The following DDX39A variants were observed in gnomAD, a reference collection of about 807,000 sequenced individuals.
DDX39A encodes ATP-dependent RNA helicase DDX39A.
A neutral mutation model predicts 46.3 loss-of-function variants in DDX39A; 13 were observed. That is an observed-to-expected ratio of 0.28 (90% CI 0.18 to 0.45). The LOEUF is 0.45. Among genes scored for constraint, DDX39A ranks in the 20% least tolerant of loss-of-function variants. DDX39A has a pLI of 1.00. For missense variants in DDX39A, 352 were observed against 581.8 expected (o/e 0.61, Z 4.06); for synonymous variants, 234 against 224.6 (o/e 1.04, Z -0.38).
chr19:14,408,964 GA>G lies in DDX39A; in HGVS notation c.1268-13del. 1.9e-6 allele frequency: 3 copies of G among 1,607,538 alleles called. No individual in the cohort carries two copies. Among genetic ancestry groups the G allele is most frequent in the Non-Finnish European group, 2.6e-6 (3 of 1,175,238 alleles). ...CCGGCTCTGCTCGACTGTAAGACAT[GA>G]GATGCAGTGAACTGAAGGGCCGGGG... On this transcript the variant is annotated splice_polypyrimidine_tract_variant and intron_variant, in intron 10 of 10. Coordinates refer to ENST00000242776, the MANE Select transcript of DDX39A (RefSeq NM_005804.4).
At position 14,410,292 on chromosome 19, in the gene DDX39A, T is replaced by C. The variant is rs918039652; in HGVS notation, c.656A>G (p.His219Arg). 6.2e-6 allele frequency: 10 copies of C among 1,613,956 alleles called. No homozygotes were observed. In the East Asian group the frequency reaches 8.9e-5, roughly 14 times the overall value. Residue 219 changes from histidine (H) to arginine (R), a missense_variant, in exon 6 of 11, where the codon CAC becomes CGC. His to Arg is a conservative substitution (Grantham distance 29). This residue lies in a region of DDX39A where 301 missense variants were observed against 469.9 expected (regional missense o/e 0.64). Transcript: ENST00000242776. This position sits in a 1 kb window ranked among gnomAD's most constrained non-coding sequence, Gnocchi z 4.3. ...GCTGAACATCATGCACTGCTTCTCG[T>C]GTGGTGTCAGGCGGAAGATCTCCTG... is the stretch of plus-strand genomic sequence containing the variant. ...DVQEIFRLTP[H>R]EKQCMMFSAT...
intron 1 of DDX39A, among the ~76,000 whole-genome samples, chr19:14,417,113 C>T (rs1976839531): frequency 6.6e-6 from 1 of 152,028 alleles, no homozygotes; most frequent in Non-Finnish European, 1.5e-5. Flanking sequence ...AGACCAGTAG[C>T]AGGGAAAACC....
Position 14,412,804 on chromosome 19 carries a change from C to T in DDX39A, c.209-126G>A, listed in dbSNP as rs1976647044. On this transcript the variant is annotated intron_variant, in intron 2 of 10. Transcript: ENST00000242776. This position sits in a 1 kb window ranked among gnomAD's most constrained non-coding sequence, Gnocchi z 4.4. ...GGCCGAGTCCGGACAAGGCCACAGA[C>T]ACCTGCAGGGCTGGGGTATCCGCCT... 1 of 1,380,676 alleles carries T rather than the reference C, an allele frequency of 7.2e-7. No individual in the cohort carries two copies. Among genetic ancestry groups the T allele is most frequent in the East Asian group, 2.4e-5 (1 of 42,368 alleles). The allele number at this position is 1,380,676 out of a possible 1,614,324, so 85.5% of individuals were successfully genotyped here.
At position 14,413,091 on chromosome 19, in the gene DDX39A, A is replaced by C; in HGVS notation, c.130T>G (p.Ser44Ala). Residue 44 changes from serine to alanine, a missense_variant, in exon 2 of 11, where the codon TCT (serine) becomes GCT (alanine). Ser to Ala is a moderately conservative substitution (Grantham distance 99). Around this residue, in one of 3 missense-constraint regions of DDX39A, gnomAD observed 46 missense variants for 78.2 expected, o/e 0.59. Transcript: ENST00000242776. ...TTCAGCAGAAAGTCCCGGAAGCCAG[A>C]GCTGTGGATGGAAACGTAGGATCCC... ...IKGSYVSIHSSGFRDFLLKPE... is the reference protein window; with the variant it reads ...IKGSYVSIHSAGFRDFLLKPE... 1 of 1,614,152 alleles carries C rather than the reference A, an allele frequency of 6.2e-7. No homozygotes were observed. The highest frequency in any genetic ancestry group is 8.5e-7 in the Non-Finnish European group (1 of 1,180,022).
In DDX39A at chr19:14,409,606, G is replaced by A; in HGVS notation, c.904C>T (p.Leu302=). Reference sequence around the variant, plus strand: ...TTCTGCTCCACGAGGAGCTGGGCCAGGGCCATGCAGCGCTGCACTGACTTG... The same window carrying A: ...TTCTGCTCCACGAGGAGCTGGGCCAAGGCCATGCAGCGCTGCACTGACTTG... ...FVKSVQRCMA[L]AQLLVEQNFP... The change falls in exon 8 of 11, where the codon CTG becomes TTG. Residue 302 remains leucine, a synonymous_variant. Transcript: ENST00000242776. This position sits in a 1 kb window ranked among gnomAD's most constrained non-coding sequence, Gnocchi z 8.3. 2.5e-6 allele frequency: 4 copies of A among 1,612,084 alleles called. No individual in the cohort carries two copies. Among genetic ancestry groups the A allele is most frequent in the Non-Finnish European group, 3.4e-6 (4 of 1,179,452 alleles).
At position 14,410,926 on chromosome 19, in the gene DDX39A, G is replaced by A. The variant is rs924067573; in HGVS notation, c.613+63C>T. ...CATGTAACCCACTCAAGAGCCTTCCGCCTGCTATGGGGCCCGCCTAGTCAC... is the reference window on the plus strand; with the variant it reads ...CATGTAACCCACTCAAGAGCCTTCCACCTGCTATGGGGCCCGCCTAGTCAC... On this transcript the variant is annotated intron_variant, in intron 5 of 10. Transcript: ENST00000242776. This position sits in a 1 kb window ranked among gnomAD's most constrained non-coding sequence, Gnocchi z 4.3. 2.6e-5 allele frequency: 37 copies of A among 1,445,150 alleles called. No individual in the cohort carries two copies. The highest frequency in any genetic ancestry group is 5.8e-5 in the South Asian group (4 of 69,050). 89.5% of individuals were successfully genotyped at this position (1,445,150 alleles called of 1,614,324 possible).
intron 1 of DDX39A, chr19:14,413,887 T>G (rs1976694781): frequency 6.6e-6 from 1 of 152,306 alleles, no homozygotes; most frequent in Non-Finnish European, 1.5e-5. Flanking sequence ...GGGGAATAAT[T>G]AAGTGCTCTC....
rs886182633 is a variant in DDX39A, at chr19:14,410,673, C to T, written c.613+316G>A. On this transcript the variant is annotated intron_variant, in intron 5 of 10. Coordinates refer to ENST00000242776, the MANE Select transcript of DDX39A (RefSeq NM_005804.4). The surrounding 1 kb of genome is among the most constrained non-coding windows in gnomAD (Gnocchi z 4.3). ...CCCAGGACACAAGCCCATCTCCCAC[C>T]GGCCCTGTCGGGGCTCACTGAGGGC... The T allele has an allele frequency of 5.0e-5, 26 of 515,142 alleles. No individual in the cohort carries two copies. Among genetic ancestry groups the T allele is most frequent in the East Asian group, 2.0e-4 (6 of 29,394 alleles). The allele number at this position is 515,142 out of a possible 1,614,324, so 31.9% of individuals were successfully genotyped here.
At position 14,409,830 on chromosome 19, in the gene DDX39A, T is replaced by C. The variant is rs1976492037; in HGVS notation, c.776A>G (p.His259Arg). ...TTTGACGTAGTACTGCTGCAGGCCG[T>C]GCAGCGTGAGCTTGGTCTCGTCGTC... ...FVDDETKLTL[H>R]GLQQYYVKLK... The change falls in exon 7 of 11, where the codon CAC becomes CGC. Residue 259 changes from histidine to arginine, a missense_variant. His to Arg is a conservative substitution (Grantham distance 29). This residue lies in a region of DDX39A where 301 missense variants were observed against 469.9 expected (regional missense o/e 0.64). Transcript: ENST00000242776. The surrounding 1 kb of genome is among the most constrained non-coding windows in gnomAD (Gnocchi z 8.3). 1 of 1,613,988 alleles carries C rather than the reference T, an allele frequency of 6.2e-7. No individual in the cohort carries two copies. Among genetic ancestry groups the C allele is most frequent in the Non-Finnish European group, 8.5e-7 (1 of 1,180,022 alleles).
rs1976478374 is a variant in DDX39A at position 14,409,648 on chromosome 19, G to A, written c.865-3C>T. The A allele has an allele frequency of 6.8e-6, 11 of 1,609,138 alleles. No individual in the cohort carries two copies. The highest frequency in any genetic ancestry group is 9.3e-6 in the Non-Finnish European group (11 of 1,176,598). On this transcript the variant is annotated splice_region_variant and splice_polypyrimidine_tract_variant and intron_variant, in intron 7 of 10. Transcript: ENST00000242776. This position sits in a 1 kb window ranked among gnomAD's most constrained non-coding sequence, Gnocchi z 8.3. Reference sequence around the variant, plus strand: ...ACTGACTTGACGAAGATTATCACCTGAGGGAAGGAGTGGCAGTCAGGGCCA... The same window carrying A: ...ACTGACTTGACGAAGATTATCACCTAAGGGAAGGAGTGGCAGTCAGGGCCA...
chr19:14,408,841 T>G lies in DDX39A; in HGVS notation c.*95A>C. The G allele has an allele frequency of 2.7e-6, 4 of 1,490,474 alleles. No individual in the cohort carries two copies. The highest frequency in any genetic ancestry group is 3.6e-6 in the Non-Finnish European group (4 of 1,114,306). 92.3% of individuals were successfully genotyped at this position (1,490,474 alleles called of 1,614,324 possible). On this transcript the variant is annotated 3_prime_UTR_variant, in exon 11 of 11. Coordinates refer to ENST00000242776, the MANE Select transcript of DDX39A (RefSeq NM_005804.4). ...GGCTTCCATAATAACAAGTTTATTC[T>G]CATACAATCTCTAGCTTCTCAACAG...
chr19:14,409,245 A>C lies in DDX39A; in HGVS notation c.1119+58T>G, dbSNP rs1306873631. The C allele has an allele frequency of 6.2e-7, 1 of 1,612,714 alleles. No individual in the cohort carries two copies. The highest frequency in any genetic ancestry group is 1.3e-5 in the African/African-American group (1 of 74,906). ...ACTACCTCAGGACTTGAGGAAAAGC[A>C]GGGCTGGGGCCCCACCCCACCGCCA... On this transcript the variant is annotated intron_variant, in intron 9 of 10. Transcript: ENST00000242776. The surrounding 1 kb of genome is among the most constrained non-coding windows in gnomAD (Gnocchi z 8.3).
At chr19:14,413,875 C>T (rs1045999512) in intron 1 of DDX39A, 6 of 152,636 alleles carry the variant, frequency 3.9e-5, no homozygotes. Flanking sequence ...GTGGTCTGCA[C>T]AGGGGAATAA....
intron 1 of DDX39A, among the ~76,000 whole-genome samples, chr19:14,417,937 A>G (rs192692057): frequency 2.2e-4 from 34 of 152,112 alleles, no homozygotes; most frequent in Admixed American, 1.9e-3. Context: ...TGGGAGGCGA[A>G]GCGGGCGGAT....
Position 14,412,957 on chromosome 19 carries a change from G to T in DDX39A, c.208+56C>A. On this transcript the variant is annotated intron_variant, in intron 2 of 10. Coordinates refer to ENST00000242776, the MANE Select transcript of DDX39A (RefSeq NM_005804.4). The surrounding 1 kb of genome is among the most constrained non-coding windows in gnomAD (Gnocchi z 4.4). ...AGGCGGCACCGCTCTGGGCGGGCAG[G>T]GCTGGTCTTGTCTTGGTGAGGACCT... 1.3e-6 allele frequency: 2 copies of T among 1,572,430 alleles called. No homozygotes were observed. Among genetic ancestry groups the T allele is most frequent in the Non-Finnish European group, 1.7e-6 (2 of 1,152,978 alleles).
In DDX39A at chr19:14,412,831, G is replaced by A; in HGVS notation, c.209-153C>T. 2.3e-6 allele frequency: 3 copies of A among 1,292,268 alleles called. No individual in the cohort carries two copies. The highest frequency in any genetic ancestry group is 4.9e-5 in the East Asian group (2 of 41,000). 80.1% of individuals were successfully genotyped at this position (1,292,268 alleles called of 1,614,324 possible). A position where few individuals can be genotyped will look rare whatever the true frequency, so the allele number is the denominator to read the frequency against. On this transcript the variant is annotated intron_variant, in intron 2 of 10. Transcript: ENST00000242776. The surrounding 1 kb of genome is among the most constrained non-coding windows in gnomAD (Gnocchi z 4.4). ...CCTGCAGGGCTGGGGTATCCGCCTG[G>A]TCAAAGCAGAACGCCCCACTGCCGA...
Position 14,412,769 on chromosome 19 carries a change from A to C in DDX39A, c.209-91T>G, listed in dbSNP as rs1404918741. 1 of 1,510,336 alleles carries C rather than the reference A, an allele frequency of 6.6e-7. No homozygotes were observed. The highest frequency in any genetic ancestry group is 8.9e-7 in the Non-Finnish European group (1 of 1,125,736). The allele number at this position is 1,510,336 out of a possible 1,614,324, so 93.6% of individuals were successfully genotyped here. ...TTGACCGGGGGCCCACAGTGAGGGCAATCAGAAGAGGCCGAGTCCGGACAA... is the reference window on the plus strand; with the variant it reads ...TTGACCGGGGGCCCACAGTGAGGGCCATCAGAAGAGGCCGAGTCCGGACAA... On this transcript the variant is annotated intron_variant, in intron 2 of 10. Coordinates refer to ENST00000242776, the MANE Select transcript of DDX39A (RefSeq NM_005804.4). This position sits in a 1 kb window ranked among gnomAD's most constrained non-coding sequence, Gnocchi z 4.4.
chr19:14,418,905 C>T (rs908264623), intron 1 of DDX39A: 4 of 456,164 alleles, frequency 8.8e-6, no homozygotes, highest in African/African-American at 6.0e-5. Flanking sequence ...CTTCTCCCAC[C>T]CAGGCCCCAG....
intron 1 of DDX39A, among the ~76,000 whole-genome samples, chr19:14,417,691 A>T (rs148902723): frequency 8.0e-4 from 122 of 152,196 alleles, no homozygotes; most frequent in African/African-American, 2.8e-3. Flanking sequence ...AAAATAAATA[A>T]GTAGAAATTA....
Sources: allele counts gnomAD v4.1 joint callset (sites outside exome capture counted in the v4.1 genomes callset), GRCh38; gene constraint gnomAD v4.1.1; regional missense constraint gnomAD v4.1.1; non-coding constraint Gnocchi (gnomAD v3.1); transcripts MANE v1.5; gene names NCBI Gene and HGNC (gene_info 2026-07-23, HGNC 2026-07-21).